SMG6: variants seen among roughly 807,000 people sequenced by gnomAD.
SMG6 encodes the protein telomerase-binding protein EST1A.
A neutral mutation model predicts 142.2 loss-of-function variants in SMG6; 66 were observed. That is an observed-to-expected ratio of 0.46 (90% CI 0.38 to 0.57). The LOEUF is 0.57. SMG6 is among the 20% of genes least tolerant of loss of function. The pLI is 0.00. For synonymous variants in SMG6, 779 were observed against 702.4 expected (o/e 1.11, Z -1.72); for missense variants, 1,793 against 1,832.0 (o/e 0.98, Z 0.39).
At chr17:2,161,696 T>G (rs2071184709) in intron 13 of SMG6, among the ~76,000 whole-genome samples, 1 of 150,694 alleles carries the variant, frequency 6.6e-6, no homozygotes, top group South Asian at 2.1e-4. Flanking sequence ...CTCAGAGCAC[T>G]CTCAAGTCTC....
chr17:2,230,694 A>G (rs1349552249), intron 10 of SMG6, among the ~76,000 whole-genome samples: 1 of 152,184 alleles, frequency 6.6e-6, no homozygotes, highest in African/African-American at 2.4e-5. Context: ...GAGTGCCGAG[A>G]GCAGTCTGCA....
chr17:2,215,463 T>C (rs905044225), intron 10 of SMG6: 1 of 152,046 alleles, frequency 6.6e-6, no homozygotes, highest in Non-Finnish European at 1.5e-5. Flanking sequence ...ACATGAAAAA[T>C]TGAAAACTAC....
At position 2,192,265 on chromosome 17, in the gene SMG6, T is replaced by G. The variant is rs536603206; in HGVS notation, c.2870-3750A>C. Among the ~76,000 whole-genome samples the G allele has an allele frequency of 2.6e-5, 4 of 152,146 alleles. No individual in the cohort carries two copies. In the East Asian group the frequency reaches 5.8e-4, roughly 22 times the overall value. On this transcript the variant is annotated intron_variant, in intron 10 of 18. Transcript: ENST00000263073. ...TCCAGTGTTGCCATCAGGGAGAGAT[T>G]TGAAGGAAACCAGTACCAGTGGGAT...
chr17:2,145,038 GA>G (rs776055816), intron 13 of SMG6, among the ~76,000 whole-genome samples: 2 of 152,156 alleles, frequency 1.3e-5, no homozygotes, highest in Non-Finnish European at 1.5e-5. Context: ...TAGTTCTTAA[GA>G]TCTGCAGATT....
At chr17:2,173,861 T>TG (rs1223481047) in intron 12 of SMG6, among the ~76,000 whole-genome samples, 19 of 146,402 alleles carry the variant, frequency 1.3e-4, no homozygotes, top group African/African-American at 4.1e-4. Context: ...TTTTTTTTTT[T>TG]TTTTTTTTTT....
At chr17:2,134,116 T>G (rs145211233) in intron 13 of SMG6, among the ~76,000 whole-genome samples, 18 of 152,202 alleles carry the variant, frequency 1.2e-4, no homozygotes, top group Non-Finnish European at 1.2e-4. Context: ...TGTCATATGA[T>G]CTCAGATAAA....
chr17:2,256,410 G>C (rs753119329), intron 8 of SMG6, among the ~76,000 whole-genome samples: 3 of 151,934 alleles, frequency 2.0e-5, no homozygotes, highest in Non-Finnish European at 4.4e-5. Flanking sequence ...AGTGGTTCTA[G>C]TTCCAAGTAA....
intron 10 of SMG6, among the ~76,000 whole-genome samples, chr17:2,216,909 C>CA (rs140476451): frequency 0.012 from 1,777 of 149,680 alleles, 32 homozygotes; most frequent in African/African-American, 0.036. Context: ...GTCAAAATGT[C>CA]AAAAAAAAAC....
At chr17:2,293,176 C>CA (rs1238022863) in intron 4 of SMG6, among the ~76,000 whole-genome samples, 199 bp from the exon 5 acceptor site, 2 of 151,842 alleles carry the variant, frequency 1.3e-5, no homozygotes, top group African/African-American at 4.8e-5. Context: ...ACCTGACTAC[C>CA]AAAAAAACAG....
chr17:2,225,583 G>A (rs1003607605), intron 10 of SMG6, among the ~76,000 whole-genome samples: 44 of 152,026 alleles, frequency 2.9e-4, no homozygotes, highest in African/African-American at 7.5e-4. Flanking sequence ...CAAAAATAAC[G>A]ATAACTTGTT....
intron 13 of SMG6, among the ~76,000 whole-genome samples, chr17:2,092,661 C>A (rs1415143131): frequency 6.6e-6 from 1 of 152,064 alleles, no homozygotes; most frequent in Non-Finnish European, 1.5e-5. Flanking sequence ...AAGGGAGAAC[C>A]AGGGGAACAG....
rs553582599 is a variant in SMG6 at position 2,060,094 on chromosome 17, C to G, written c.*1398G>C. 1 of 153,060 alleles carries G rather than the reference C, an allele frequency of 6.5e-6. No individual in the cohort carries two copies. Among genetic ancestry groups the G allele is most frequent in the South Asian group, 2.1e-4 (1 of 4,840 alleles). The allele number at this position is 153,060 out of a possible 1,614,324, so 9.5% of individuals were successfully genotyped here. On this transcript the variant is annotated 3_prime_UTR_variant, in exon 19 of 19. Coordinates refer to ENST00000263073, the MANE Select transcript of SMG6 (RefSeq NM_017575.5). The stretch of plus-strand genomic sequence containing the variant: ...CCATCGCTTCTGGCATAGTCCTGGG[C>G]CTCAGGGAGGGCAGAGCTGCGCACC...
At position 2,269,075 on chromosome 17, in the gene SMG6, G is replaced by A. The variant is rs558399898; in HGVS notation, c.2661+13572C>T. 6.7e-4 allele frequency among the ~76,000 whole-genome samples: 101 copies of A among 151,830 alleles called. 1 individual carries two copies. Among genetic ancestry groups the A allele is most frequent in the African/African-American group, 2.4e-3 (98 of 41,320 alleles). On this transcript the variant is annotated intron_variant, in intron 8 of 18. Transcript: ENST00000263073. ...AAAAATTAGCTGGGCATGTTGGCAGGCGCCTGTAGTCCCAGCTACTCATAG... is the reference window on the plus strand; with the variant it reads ...AAAAATTAGCTGGGCATGTTGGCAGACGCCTGTAGTCCCAGCTACTCATAG...
chr17:2,157,208 C>A (rs1204622146), intron 13 of SMG6, among the ~76,000 whole-genome samples: 3 of 152,172 alleles, frequency 2.0e-5, no homozygotes, highest in African/African-American at 7.2e-5. Context: ...AGATTAGGGG[C>A]TAGCAAGAGC....
chr17:2,190,195 G>A (rs929065783), intron 10 of SMG6, among the ~76,000 whole-genome samples: 38 of 152,252 alleles, frequency 2.5e-4, no homozygotes, highest in African/African-American at 8.2e-4. Flanking sequence ...TGCCACGCCC[G>A]GACAACATCC....
chr17:2,081,185 C>T (rs973602221), intron 15 of SMG6, among the ~76,000 whole-genome samples: 5 of 152,156 alleles, frequency 3.3e-5, no homozygotes, highest in African/African-American at 9.7e-5. Flanking sequence ...CCTGTCTGCC[C>T]CGAGCCCTAG....
intron 13 of SMG6, 113 bp downstream of exon 13, chr17:2,172,545 C>A: frequency 8.9e-7 from 1 of 1,126,490 alleles, no homozygotes. Flanking sequence ...CCTTAACACC[C>A]TTCTCAATGA....
In SMG6 at chr17:2,299,552, G is replaced by C; in HGVS notation, c.1201C>G (p.Leu401Val). 1 of 1,614,150 alleles carries C rather than the reference G, an allele frequency of 6.2e-7. No homozygotes were observed. Among genetic ancestry groups the C allele is most frequent in the Non-Finnish European group, 8.5e-7 (1 of 1,180,032 alleles). ...KQESKNPKQE[L>V]RGRGRGILIL... The stretch of plus-strand genomic sequence containing the variant: ...AGAATGCCACGACCACGACCCCGAA[G>C]TTCTTGTTTCGGGTTTTTGGACTCC... Residue 401 changes from leucine (L) to valine (V), a missense_variant, in exon 2 of 19, where the codon CTT becomes GTT. By Grantham distance (32) the Leu-to-Val change is conservative (BLOSUM62 1). Around this residue, in one of 3 missense-constraint regions of SMG6, gnomAD observed 1,597 missense variants for 1,584.6 expected, o/e 1.01. Coordinates refer to ENST00000263073, the MANE Select transcript of SMG6 (RefSeq NM_017575.5). This position sits in a 1 kb window ranked among gnomAD's most constrained non-coding sequence, Gnocchi z 4.3.
At chr17:2,209,391 G>A (rs897481053) in intron 10 of SMG6, among the ~76,000 whole-genome samples, 3 of 152,030 alleles carry the variant, frequency 2.0e-5, no homozygotes, top group Non-Finnish European at 4.4e-5. Context: ...TTGAGGTGGA[G>A]TCTTGCTCTG....
Sources: allele counts gnomAD v4.1 joint callset (sites outside exome capture counted in the v4.1 genomes callset), GRCh38; gene constraint gnomAD v4.1.1; regional missense constraint gnomAD v4.1.1; non-coding constraint Gnocchi (gnomAD v3.1); transcripts MANE v1.5; gene names NCBI Gene and HGNC (gene_info 2026-07-23, HGNC 2026-07-21).